Variants in FUT9 observed in about 807,000 individuals in gnomAD.
FUT9 encodes 4-galactosyl-N-acetylglucosaminide 3-alpha-L-fucosyltransferase 9.
A neutral mutation model predicts 29.7 loss-of-function variants in FUT9; 15 were observed. That is an observed-to-expected ratio of 0.51 (90% CI 0.34 to 0.78). The LOEUF is 0.78. FUT9 is among the 30% of genes least tolerant of loss of function. The pLI is 0.01. For missense variants in FUT9, 319 were observed against 425.4 expected, an observed-to-expected ratio of 0.75 and a Z score of 2.20; for synonymous variants, 169 against 153.7, an observed-to-expected ratio of 1.10 and a Z score of -0.74.
chr6:96,192,793 C>G (rs1773537174), intron 2 of FUT9, among the ~76,000 whole-genome samples: 1 of 152,226 alleles, frequency 6.6e-6, no homozygotes, highest in South Asian at 2.1e-4. Flanking sequence ...CACTACCTGA[C>G]TTCAAACTAT....
intron 2 of FUT9, among the ~76,000 whole-genome samples, chr6:96,142,310 C>T (rs116920032): frequency 0.042 from 6,452 of 152,034 alleles, 166 homozygotes; most frequent in Middle Eastern, 0.068. Context: ...AATTTTATTC[C>T]TTCTGGCTAT....
intron 2 of FUT9, among the ~76,000 whole-genome samples, chr6:96,158,636 C>T (rs760682159): frequency 1.2e-4 from 19 of 152,002 alleles, no homozygotes; most frequent in Non-Finnish European, 1.5e-4. Context: ...AAGAAACTTG[C>T]TCTGTTGTTT....
Position 96,015,995 on chromosome 6 carries a change from G to T in FUT9, c.-315G>T, listed in dbSNP as rs963429307. 5 of 151,302 alleles carry T rather than the reference G, an allele frequency of 3.3e-5. No individual in the cohort carries two copies. Among genetic ancestry groups the T allele is most frequent in the African/African-American group, 9.7e-5 (4 of 41,178 alleles). 9.4% of individuals were successfully genotyped at this position (151,302 alleles called of 1,614,324 possible). On this transcript the variant is annotated 5_prime_UTR_variant, in exon 1 of 3. Transcript: ENST00000302103. ...CGGCAGTAGCTGTAGCAGCTTCAGC[G>T]AAGCCGGAGATGGGCAGAGAGCGCG... is the stretch of plus-strand genomic sequence containing the variant.
In FUT9 at chr6:96,212,434, G is replaced by C. The variant is rs969796981; in HGVS notation, c.*8199G>C. The C allele has an allele frequency of 4.9e-6, 2 of 411,170 alleles. No individual in the cohort carries two copies. Among genetic ancestry groups the C allele is most frequent in the Non-Finnish European group, 8.9e-6 (2 of 224,824 alleles). 25.5% of individuals were successfully genotyped at this position (411,170 alleles called of 1,614,324 possible). On this transcript the variant is annotated 3_prime_UTR_variant, in exon 3 of 3. Coordinates refer to ENST00000302103, the MANE Select transcript of FUT9 (RefSeq NM_006581.4). ...AAACCTGGAAGTAGTCTACTTTTTA[G>C]ATAAAAGATAATCTATCTTGAATAT...
chr6:96,145,302 C>G (rs993415065), intron 2 of FUT9, among the ~76,000 whole-genome samples: 1 of 152,064 alleles, frequency 6.6e-6, no homozygotes, highest in Non-Finnish European at 1.5e-5. Flanking sequence ...GTGATCCGCC[C>G]GCCTCGGCCT....
intron 2 of FUT9, among the ~76,000 whole-genome samples, chr6:96,137,134 T>C (rs1772362745): frequency 6.6e-6 from 1 of 151,944 alleles, no homozygotes; most frequent in Non-Finnish European, 1.5e-5. Flanking sequence ...TATGAGGTGC[T>C]GTAAGGCATG....
intron 1 of FUT9, among the ~76,000 whole-genome samples, chr6:96,067,755 AG>A (rs1279827706): frequency 2.6e-5 from 4 of 152,194 alleles, no homozygotes; most frequent in Non-Finnish European, 4.4e-5. Flanking sequence ...AAAGAAAAAA[AG>A]AACCAACTTC....
rs1315637708 is a variant in FUT9, at chr6:96,106,195, A to C, written c.-97-7844A>C. Among the ~76,000 whole-genome samples, 3 of 58,368 alleles carry C rather than the reference A, an allele frequency of 5.1e-5. No individual in the cohort carries two copies. The Admixed American group carries it at 6.3e-4, about 12-fold the overall frequency. The allele number at this position is 58,368 out of a possible 152,430, so 38.3% of individuals were successfully genotyped here. On this transcript the variant is annotated intron_variant, in intron 1 of 2. Coordinates refer to ENST00000302103, the MANE Select transcript of FUT9 (RefSeq NM_006581.4). ...GTCAATGAGAATGAGCCCAAGATAA[A>C]TCATCACAATCCATCAACCCTTCCT...
intron 2 of FUT9, among the ~76,000 whole-genome samples, chr6:96,172,763 G>A (rs572752806): frequency 6.6e-6 from 1 of 152,030 alleles, no homozygotes; most frequent in East Asian, 1.9e-4. Flanking sequence ...TGACAAACAT[G>A]CACAAAATTC....
chr6:96,175,061 T>C (rs1487654183), intron 2 of FUT9, among the ~76,000 whole-genome samples: 1 of 152,140 alleles, frequency 6.6e-6, no homozygotes, highest in Non-Finnish European at 1.5e-5. Context: ...ACCTTAATAA[T>C]TAGGCATTAG....
intron 1 of FUT9, among the ~76,000 whole-genome samples, chr6:96,027,853 T>C (rs1562100376): frequency 6.6e-6 from 1 of 151,662 alleles, no homozygotes. Context: ...AATTCTAAAT[T>C]CTTGGATTTT....
At position 96,212,346 on chromosome 6, in the gene FUT9, T is replaced by A; in HGVS notation, c.*8111T>A. On this transcript the variant is annotated 3_prime_UTR_variant, in exon 3 of 3. Coordinates refer to ENST00000302103, the MANE Select transcript of FUT9 (RefSeq NM_006581.4). ...AGGGACTGTAATGAGATCAGGCTTT[T>A]CATTTACTGGTTTTCTGCCTCAAGA... 2.4e-6 allele frequency: 1 copy of A among 412,730 alleles called. No homozygotes were observed. The highest frequency in any genetic ancestry group is 4.4e-6 in the Non-Finnish European group (1 of 225,520). The allele number at this position is 412,730 out of a possible 1,614,324, so 25.6% of individuals were successfully genotyped here. A position where few individuals can be genotyped will look rare whatever the true frequency, so the allele number is the denominator to read the frequency against.
At chr6:96,154,914 G>A (rs781355366) in intron 2 of FUT9, among the ~76,000 whole-genome samples, 24 of 152,130 alleles carry the variant, frequency 1.6e-4, no homozygotes, top group Middle Eastern at 3.2e-3. Flanking sequence ...TCATGGACTG[G>A]GGTCAGTCCT....
intron 2 of FUT9, among the ~76,000 whole-genome samples, chr6:96,120,380 C>T (rs1364205946): frequency 2.0e-5 from 3 of 149,394 alleles, no homozygotes; most frequent in Admixed American, 1.3e-4. Flanking sequence ...ACGCCATTCT[C>T]CTGCCTCAGC....
rs920393005 is a variant in FUT9 at position 96,208,431 on chromosome 6, A to C, written c.*4196A>C. ...ACAATCGAGCTGTTAAATATAACAA[A>C]CATCAGAATCTAAAGGATAAGCACA... On this transcript the variant is annotated 3_prime_UTR_variant, in exon 3 of 3. Coordinates refer to ENST00000302103, the MANE Select transcript of FUT9 (RefSeq NM_006581.4). The C allele has an allele frequency of 1.8e-5, 3 of 166,970 alleles. No homozygotes were observed. The highest frequency in any genetic ancestry group is 4.8e-5 in the African/African-American group (2 of 41,576). The allele number at this position is 166,970 out of a possible 1,614,324, so 10.3% of individuals were successfully genotyped here.
At chr6:96,134,900 T>C (rs1053577573) in intron 2 of FUT9, among the ~76,000 whole-genome samples, 1 of 151,934 alleles carries the variant, frequency 6.6e-6, no homozygotes, top group Non-Finnish European at 1.5e-5. Context: ...TGATAAATAA[T>C]AGAAATTCTA....
At chr6:96,102,230 G>C (rs1162961067) in intron 1 of FUT9, among the ~76,000 whole-genome samples, 1 of 151,718 alleles carries the variant, frequency 6.6e-6, no homozygotes, top group African/African-American at 2.4e-5. Context: ...GTAGATGTAG[G>C]TATTTAAAAG....
chr6:96,155,602 G>A (rs1772766457), intron 2 of FUT9, among the ~76,000 whole-genome samples: 1 of 151,902 alleles, frequency 6.6e-6, no homozygotes, highest in African/African-American at 2.4e-5. Flanking sequence ...GAACCTGGGA[G>A]GCGGAGCTTG....
rs1773904277 is a variant in FUT9, at chr6:96,209,908, T to A, written c.*5673T>A. ...CCCCCCGTCACCCAAAAAAAGAGCA[T>A]GCTTTTAATACATTTCCAAAATTAT... On this transcript the variant is annotated 3_prime_UTR_variant, in exon 3 of 3. Coordinates refer to ENST00000302103, the MANE Select transcript of FUT9 (RefSeq NM_006581.4). The A allele has an allele frequency of 1.2e-5, 2 of 166,868 alleles. No individual in the cohort carries two copies. The highest frequency in any genetic ancestry group is 4.8e-5 in the African/African-American group (2 of 41,546). 10.3% of individuals were successfully genotyped at this position (166,868 alleles called of 1,614,324 possible).
Sources: allele counts gnomAD v4.1 joint callset (sites outside exome capture counted in the v4.1 genomes callset), GRCh38; gene constraint gnomAD v4.1.1; transcripts MANE v1.5; gene names NCBI Gene and HGNC (gene_info 2026-07-23, HGNC 2026-07-21).